The following KCNMA1 variants were observed in gnomAD, a reference collection of about 807,000 sequenced individuals.
KCNMA1 encodes Calcium-activated potassium channel subunit alpha-1.
KCNMA1 carries 29 observed loss-of-function variants against 140.0 expected under a neutral mutation model. The observed-to-expected ratio is 0.21, with a 90% CI of 0.15 to 0.28. KCNMA1 has a LOEUF of 0.28. KCNMA1 is among the 10% of genes least tolerant of loss of function. The pLI, the probability that KCNMA1 is intolerant of heterozygous loss-of-function variation, is 1.00. For synonymous variants in KCNMA1, 612 were observed against 611.9 expected (o/e 1.00, Z 0.00); for missense variants, 880 against 1,602.2 (o/e 0.55, Z 7.70).
chr10:77,092,840 C>T (rs1432344798), intron 9 of KCNMA1, among the ~76,000 whole-genome samples: 4 of 152,192 alleles, frequency 2.6e-5, no homozygotes, highest in African/African-American at 9.6e-5. Flanking sequence ...AGCATCTCCT[C>T]CTCCTCTCTG....
chr10:77,484,279 A>G (rs993745635), intron 1 of KCNMA1, among the ~76,000 whole-genome samples: 14 of 152,232 alleles, frequency 9.2e-5, no homozygotes, highest in African/African-American at 3.4e-4. Flanking sequence ...GGGTGTCGTT[A>G]TCTACATCTT....
chr10:77,610,984 C>T (rs191012910), intron 1 of KCNMA1, among the ~76,000 whole-genome samples: 7 of 152,330 alleles, frequency 4.6e-5, no homozygotes, highest in African/African-American at 1.4e-4. Flanking sequence ...AAGCCATGAG[C>T]TATGTGAACT....
chr10:77,018,390 T>A (rs968573803), intron 17 of KCNMA1, among the ~76,000 whole-genome samples: 1 of 152,218 alleles, frequency 6.6e-6, no homozygotes, highest in Non-Finnish European at 1.5e-5. Context: ...TTCCATGTTG[T>A]GCTGCAAAGG....
intron 1 of KCNMA1, among the ~76,000 whole-genome samples, chr10:77,598,994 AG>A (rs1197825740): frequency 3.3e-5 from 5 of 152,242 alleles, no homozygotes; most frequent in African/African-American, 1.2e-4. Context: ...GGGTTGGTCC[AG>A]GGGGCCAGGC....
At chr10:77,592,001 C>T (rs945456186) in intron 1 of KCNMA1, among the ~76,000 whole-genome samples, 3 of 152,190 alleles carry the variant, frequency 2.0e-5, no homozygotes. Context: ...AGTTCAGTCT[C>T]ATTCGTTCGC....
chr10:77,612,837 G>A (rs1406761303), intron 1 of KCNMA1, among the ~76,000 whole-genome samples: 1 of 151,988 alleles, frequency 6.6e-6, no homozygotes, highest in Non-Finnish European at 1.5e-5. Context: ...ACAAAACAGT[G>A]AAAATGAACA....
intron 24 of KCNMA1, chr10:76,912,233 G>T (rs1312426743): frequency 2.6e-5 from 4 of 152,202 alleles, no homozygotes; most frequent in Admixed American, 6.5e-5. Context: ...AATACAATTG[G>T]AATAGTCAGG....
At chr10:77,408,224 C>T (rs1031537780) in intron 1 of KCNMA1, among the ~76,000 whole-genome samples, 1 of 152,306 alleles carries the variant, frequency 6.6e-6, no homozygotes, top group South Asian at 2.1e-4. Context: ...CAGGATACTG[C>T]CTCACAGGGG....
chr10:77,150,736 C>T (rs571239665), intron 5 of KCNMA1, among the ~76,000 whole-genome samples: 23 of 152,290 alleles, frequency 1.5e-4, no homozygotes, highest in East Asian at 9.6e-4. Flanking sequence ...CTGTCAGAAC[C>T]GCTGAGAGAG....
chr10:77,063,666 C>A (rs2095840009), intron 14 of KCNMA1: 2 of 902,070 alleles, frequency 2.2e-6, no homozygotes, highest in Admixed American at 6.2e-5. Context: ...CAACGACAAC[C>A]AATAGACTTA....
intron 1 of KCNMA1, among the ~76,000 whole-genome samples, chr10:77,622,407 G>A (rs1367444810): frequency 6.6e-6 from 1 of 152,188 alleles, no homozygotes; most frequent in African/African-American, 2.4e-5. Flanking sequence ...GGGATCCACA[G>A]CCCACCTGCC....
chr10:77,328,743 A>G (rs1350587098), intron 2 of KCNMA1, among the ~76,000 whole-genome samples: 1 of 152,252 alleles, frequency 6.6e-6, no homozygotes, highest in Admixed American at 6.5e-5. Flanking sequence ...CTTCTGAGAC[A>G]TTTCCAAGGA....
chr10:77,193,765 TGATTA>T (rs2154142094), intron 3 of KCNMA1, among the ~76,000 whole-genome samples: 1 of 151,928 alleles, frequency 6.6e-6, no homozygotes, highest in Admixed American at 6.6e-5. Flanking sequence ...CTAGATGAGG[TGATTA>T]GAAATGGGGG....
chr10:77,222,465 A>T (rs575521643), intron 3 of KCNMA1, among the ~76,000 whole-genome samples: 1 of 152,216 alleles, frequency 6.6e-6, no homozygotes, highest in Non-Finnish European at 1.5e-5. Context: ...CAGTAAGGGC[A>T]CTGAAATGAC....
At chr10:76,882,679 A>T (rs1426781122), downstream of KCNMA1, among the ~76,000 whole-genome samples, 2 of 152,126 alleles carry the variant, frequency 1.3e-5, no homozygotes, top group Non-Finnish European at 2.9e-5. Flanking sequence ...CTTTGAGCAA[A>T]CTGCTCTCCC....
intron 2 of KCNMA1, among the ~76,000 whole-genome samples, chr10:77,265,477 T>G (rs749608646): frequency 6.6e-6 from 1 of 152,214 alleles, no homozygotes; most frequent in East Asian, 1.9e-4. Context: ...AAGATATTCT[T>G]TTTCTTTGAA....
At chr10:77,189,121 G>T (rs1198993796) in intron 3 of KCNMA1, among the ~76,000 whole-genome samples, 1 of 152,104 alleles carries the variant, frequency 6.6e-6, no homozygotes, top group African/African-American at 2.4e-5. Context: ...TGGGGTGGGG[G>T]CCCTAGATTT....
intron 1 of KCNMA1, among the ~76,000 whole-genome samples, chr10:77,495,256 C>T (rs1466333520): frequency 3.3e-5 from 5 of 152,192 alleles, no homozygotes; most frequent in Non-Finnish European, 7.3e-5. Flanking sequence ...TTCCCGGTTC[C>T]AGCCCCCACG....
intron 3 of KCNMA1, among the ~76,000 whole-genome samples, chr10:77,206,855 G>A (rs372465616): frequency 1.3e-5 from 2 of 152,162 alleles, no homozygotes; most frequent in African/African-American, 4.8e-5. Flanking sequence ...CTAAGATTAA[G>A]TCTATGGTCA....
Sources: gnomAD v4.1 joint callset for allele counts (sites outside exome capture counted in the v4.1 genomes callset) on GRCh38, gnomAD v4.1.1 for gene constraint, MANE v1.5 for transcripts, NCBI Gene and HGNC (gene_info 2026-07-23, HGNC 2026-07-21) for gene names.